Variants in MYT1L observed in about 807,000 individuals in gnomAD.
MYT1L encodes the protein myelin transcription factor 1-like protein.
In MYT1L, 12 loss-of-function variants were observed where a neutral mutation model predicts 126.7. The ratio of observed to expected loss-of-function variants is 0.09; its 90% CI spans 0.06 to 0.15. The LOEUF is 0.15. MYT1L is among the 10% of genes least tolerant of loss of function. The probability of loss-of-function intolerance (pLI) is 1.00; values close to 1 mark genes in which losing one functional copy is unlikely to be tolerated. For synonymous variants in MYT1L, 541 were observed against 604.2 expected, an observed-to-expected ratio of 0.90 and a Z score of 1.53; for missense variants, 979 against 1,585.2, an observed-to-expected ratio of 0.62 and a Z score of 6.49.
intron 3 of MYT1L, among the ~76,000 whole-genome samples, chr2:2,148,635 T>C (rs1575492923): frequency 6.6e-6 from 1 of 152,162 alleles, no homozygotes; most frequent in South Asian, 2.1e-4. Flanking sequence ...GAGAATACGG[T>C]TGTCTCCAGG....
intron 1 of MYT1L, among the ~76,000 whole-genome samples, chr2:2,313,674 A>G (rs2096013783): frequency 6.6e-6 from 1 of 152,188 alleles, no homozygotes; most frequent in African/African-American, 2.4e-5. Context: ...ACTATATACC[A>G]TATAATACTG....
chr2:2,084,238 T>C (rs1428147002), intron 3 of MYT1L, among the ~76,000 whole-genome samples: 1 of 152,224 alleles, frequency 6.6e-6, no homozygotes, highest in Non-Finnish European at 1.5e-5. Context: ...CTCATTTTAG[T>C]ATAGACTGAG....
chr2:2,058,769 A>G (rs1273430971), intron 3 of MYT1L, among the ~76,000 whole-genome samples: 1 of 152,234 alleles, frequency 6.6e-6, no homozygotes, highest in Non-Finnish European at 1.5e-5. Context: ...TTGGGTTTTC[A>G]TCATCCCCTG....
chr2:2,165,257 A>T (rs548948698), intron 3 of MYT1L, among the ~76,000 whole-genome samples: 1 of 152,202 alleles, frequency 6.6e-6, no homozygotes, highest in Admixed American at 6.6e-5. Context: ...TCCATATTAG[A>T]CACCAAGTAC....
chr2:2,164,826 A>G (rs2088756653), intron 3 of MYT1L, among the ~76,000 whole-genome samples: 1 of 152,222 alleles, frequency 6.6e-6, no homozygotes. Context: ...TTAGGACTGC[A>G]TTCCATGTAC....
intron 1 of MYT1L, among the ~76,000 whole-genome samples, chr2:2,309,005 A>C (rs2095907110): frequency 1.3e-5 from 2 of 151,770 alleles, no homozygotes; most frequent in African/African-American, 4.8e-5. Context: ...ACTTCAGTAC[A>C]CTCTACCTAT....
At chr2:2,215,294 C>T (rs541453969) in intron 2 of MYT1L, among the ~76,000 whole-genome samples, 64 of 152,156 alleles carry the variant, frequency 4.2e-4, no homozygotes, top group African/African-American at 1.3e-3. Context: ...CTAACTCTAT[C>T]GCCTACAGAA....
chr2:2,247,482 G>A (rs750175770), intron 2 of MYT1L, among the ~76,000 whole-genome samples: 12 of 152,098 alleles, frequency 7.9e-5, no homozygotes, highest in Admixed American at 1.3e-4. Flanking sequence ...CTCCCAGGCC[G>A]AAAATTAACA....
At chr2:2,145,629 T>TACACACACACAAGAC (rs946149282) in intron 3 of MYT1L, among the ~76,000 whole-genome samples, 5 of 143,812 alleles carry the variant, frequency 3.5e-5, no homozygotes, top group Admixed American at 6.9e-5. Flanking sequence ...GGAAAAAAAA[T>TACACACACACAAGAC]ACACACACAC....
intron 3 of MYT1L, among the ~76,000 whole-genome samples, chr2:2,141,469 C>T (rs2083967835): frequency 6.6e-6 from 1 of 152,058 alleles, no homozygotes; most frequent in Admixed American, 6.6e-5. Context: ...TTGCATTATC[C>T]CGTGAGATAA....
intron 14 of MYT1L, among the ~76,000 whole-genome samples, chr2:1,900,655 A>T (rs1022828054): frequency 3.9e-5 from 6 of 152,216 alleles, no homozygotes; most frequent in Admixed American, 3.3e-4. Flanking sequence ...GAGTGTCACT[A>T]AAAGCCCAGA....
At chr2:2,205,988 CTT>C (rs34725591) in intron 2 of MYT1L, among the ~76,000 whole-genome samples, 15 of 145,894 alleles carry the variant, frequency 1.0e-4, no homozygotes, top group Middle Eastern at 3.5e-3. Context: ...TCTTTTCTTT[CTT>C]TTTTTTTTTT....
intron 1 of MYT1L, chr2:2,327,027 C>T (rs188768231): frequency 6.6e-6 from 1 of 151,934 alleles, no homozygotes; most frequent in African/African-American, 2.4e-5. Context: ...TTGAAATAGC[C>T]CACTGATGGA....
At chr2:2,216,268 A>G (rs1399238750) in intron 2 of MYT1L, among the ~76,000 whole-genome samples, 2 of 152,182 alleles carry the variant, frequency 1.3e-5, no homozygotes, top group East Asian at 1.9e-4. Flanking sequence ...GGGGTGTAAC[A>G]CAAGTCTCAA....
chr2:2,053,979 T>G lies in MYT1L; in HGVS notation c.-159A>C, dbSNP rs1230286803. ...TTAATACCACATAGAGTTCCTCACC[T>G]TTAGGTGGCTCCTCGGATATCCATA... On this transcript the variant is annotated splice_region_variant and 5_prime_UTR_variant, in exon 4 of 25. Coordinates refer to ENST00000647738, the MANE Select transcript of MYT1L (RefSeq NM_001303052.2). 6.6e-6 allele frequency: 1 copy of G among 152,656 alleles called. No individual in the cohort carries two copies. The highest frequency in any genetic ancestry group is 2.4e-5 in the African/African-American group (1 of 41,462). 9.5% of individuals were successfully genotyped at this position (152,656 alleles called of 1,614,324 possible).
chr2:2,151,058 C>T (rs1186457118), intron 3 of MYT1L, among the ~76,000 whole-genome samples: 3 of 152,176 alleles, frequency 2.0e-5, no homozygotes, highest in Non-Finnish European at 4.4e-5. Context: ...CACCTCTTTA[C>T]ACTCTTGAAG....
rs140246919 is a variant in MYT1L, at chr2:2,217,648, G to C, written c.-420-44660C>G. On this transcript the variant is annotated intron_variant, in intron 2 of 24. Coordinates refer to ENST00000647738, the MANE Select transcript of MYT1L (RefSeq NM_001303052.2). ...ATCACACCATTGCACTCCAGCCTGG[G>C]GGACAGAACAAAACTCCATCTCAAC... Among the ~76,000 whole-genome samples, 378 of 143,246 alleles carry C rather than the reference G, an allele frequency of 2.6e-3. 1 individual carries two copies. The highest frequency in any genetic ancestry group is 9.4e-3 in the African/African-American group (357 of 38,058). The allele number at this position is 143,246 out of a possible 152,430, so 94.0% of individuals were successfully genotyped here.
intron 23 of MYT1L, 68 bp from the exon 24 acceptor site, chr2:1,792,532 G>A: frequency 6.5e-7 from 1 of 1,528,830 alleles, no homozygotes; most frequent in Non-Finnish European, 8.9e-7. Flanking sequence ...CGTTGCCGGG[G>A]GCCACAGTCT....
intron 1 of MYT1L, among the ~76,000 whole-genome samples, chr2:2,295,571 G>GAGAGAGAGAGAGACAGACAGAC (rs1559583267): frequency 7.3e-6 from 1 of 136,648 alleles, no homozygotes; most frequent in African/African-American, 2.8e-5. Context: ...CAGACAGAGA[G>GAGAGAGAGAGAGACAGACAGAC]AGAGAGAGAG....
Sources: allele counts gnomAD v4.1 joint callset (sites outside exome capture counted in the v4.1 genomes callset), GRCh38; gene constraint gnomAD v4.1.1; transcripts MANE v1.5; gene names NCBI Gene and HGNC (gene_info 2026-07-23, HGNC 2026-07-21).